NF1: variants seen among roughly 807,000 people sequenced by gnomAD.
The protein encoded by NF1 is neurofibromin.
A neutral mutation model predicts 325.7 loss-of-function variants in NF1; 122 were observed. The observed-to-expected ratio is 0.37, with a 90% CI of 0.32 to 0.44. The LOEUF is 0.44. Among genes scored for constraint, NF1 ranks in the 20% least tolerant of loss-of-function variants. NF1 has a pLI of 1.00. For missense variants in NF1, 2,140 were observed against 3,415.4 expected, an observed-to-expected ratio of 0.63 and a Z score of 9.31; for synonymous variants, 1,091 against 1,186.0, an observed-to-expected ratio of 0.92 and a Z score of 1.65.
At chr17:31,352,451 T>C in intron 51 of NF1, 37 bp downstream of exon 51, 3 of 1,464,346 alleles carry the variant, frequency 2.0e-6, no homozygotes, top group Non-Finnish European at 2.7e-6. Context: ...TTTTTTATTA[T>C]TTAAAAAAAT....
At chr17:31,116,626 A>C (rs1913939157) in intron 1 of NF1, among the ~76,000 whole-genome samples, 1 of 152,064 alleles carries the variant, frequency 6.6e-6, no homozygotes, top group Non-Finnish European at 1.5e-5. Flanking sequence ...ATATAGTTAG[A>C]AAATTTTATT....
intron 31 of NF1, among the ~76,000 whole-genome samples, chr17:31,254,489 C>T (rs903443905): frequency 1.7e-4 from 26 of 151,904 alleles, no homozygotes; most frequent in Non-Finnish European, 3.2e-4. Flanking sequence ...ATTATAAAGA[C>T]GTTTCTAATG....
chr17:31,258,983 T>G, intron 32 of NF1, 49 bp from the exon 33 acceptor site: 2 of 1,270,774 alleles, frequency 1.6e-6, no homozygotes, highest in Non-Finnish European at 2.2e-6. Flanking sequence ...ATGTATAGAC[T>G]TCATACAATA....
intron 46 of NF1, 48 bp from the exon 47 acceptor site, chr17:31,340,457 C>G (rs2069787111): frequency 6.2e-7 from 1 of 1,612,786 alleles, no homozygotes; most frequent in Non-Finnish European, 8.5e-7. Context: ...TTGAAAGAGA[C>G]TATGTCATGA....
At chr17:31,157,133 T>C (rs888755665) in intron 2 of NF1, among the ~76,000 whole-genome samples, 1 of 152,120 alleles carries the variant, frequency 6.6e-6, no homozygotes, top group Non-Finnish European at 1.5e-5. Flanking sequence ...ATTACAGGCA[T>C]GTGCCACCAT....
At position 31,139,824 on chromosome 17, in the gene NF1, T is replaced by C. The variant is rs532646801; in HGVS notation, c.61-16159T>C. ...AGGAAGTAGGATTATTGTAGAAATA[T>C]TATTTTACAGTTCAAGTTTGTAAAA... On this transcript the variant is annotated intron_variant, in intron 1 of 57. Coordinates refer to ENST00000358273, the MANE Select transcript of NF1 (RefSeq NM_001042492.3). Among the ~76,000 whole-genome samples the C allele has an allele frequency of 1.6e-4, 24 of 152,328 alleles. 1 individual carries two copies. The South Asian group carries it at 4.6e-3, about 29-fold the overall frequency.
At chr17:31,135,640 C>T (rs866815233) in intron 1 of NF1, among the ~76,000 whole-genome samples, 1 of 152,120 alleles carries the variant, frequency 6.6e-6, no homozygotes, top group Non-Finnish European at 1.5e-5. Flanking sequence ...GATCATGGCT[C>T]ACTGCAACCT....
intron 5 of NF1, among the ~76,000 whole-genome samples, chr17:31,180,858 G>A (rs2066116876): frequency 6.6e-6 from 1 of 152,186 alleles, no homozygotes; most frequent in Non-Finnish European, 1.5e-5. Flanking sequence ...CATCGTCTCA[G>A]CCCAAAATCT....
In NF1 at chr17:31,235,783, T is replaced by C. The variant is rs2151438106; in HGVS notation, c.3870+11T>C. 1 of 1,614,096 alleles carries C rather than the reference T, an allele frequency of 6.2e-7. No homozygotes were observed. Among genetic ancestry groups the C allele is most frequent in the Non-Finnish European group, 8.5e-7 (1 of 1,180,014 alleles). ...ACATTCTGTTTCAAGGTTTGTATCA[T>C]TCATTTTGTGTGTATGTGTGTGCTG... On this transcript the variant is annotated intron_variant, in intron 28 of 57. Transcript: ENST00000358273.
At chr17:31,219,292 T>C in intron 14 of NF1, 174 bp downstream of exon 14, 1 of 582,690 alleles carries the variant, frequency 1.7e-6, no homozygotes, top group South Asian at 2.6e-5. Flanking sequence ...AGGGGTTTAC[T>C]TGCTTTGTAT....
intron 57 of NF1, among the ~76,000 whole-genome samples, chr17:31,365,541 A>G (rs957563787): frequency 1.3e-5 from 2 of 152,130 alleles, no homozygotes; most frequent in Non-Finnish European, 2.9e-5. Flanking sequence ...AACAAATTCT[A>G]AGTGTGCACT....
intron 1 of NF1, among the ~76,000 whole-genome samples, chr17:31,102,833 C>CT (rs1261752711): frequency 6.7e-6 from 1 of 150,250 alleles, no homozygotes; most frequent in African/African-American, 2.4e-5. Context: ...GACAAGTTCT[C>CT]TTTTTTCTTC....
At chr17:31,314,638 A>G (rs549605867) in intron 36 of NF1, among the ~76,000 whole-genome samples, 11 of 152,282 alleles carry the variant, frequency 7.2e-5, no homozygotes, top group African/African-American at 2.4e-4. Context: ...ACAGGATCTC[A>G]TTCTTTTTTA....
At chr17:31,348,603 T>TA (rs1258420835) in intron 48 of NF1, among the ~76,000 whole-genome samples, 6 of 150,394 alleles carry the variant, frequency 4.0e-5, no homozygotes, top group African/African-American at 7.3e-5. Flanking sequence ...TCAATGGCTT[T>TA]AAAAAAATCT....
In NF1 at chr17:31,343,125, C is replaced by T. The variant is rs2069870191; in HGVS notation, c.7179C>T (p.His2393=). 3 of 1,613,242 alleles carry T rather than the reference C, an allele frequency of 1.9e-6. No individual in the cohort carries two copies. The highest frequency in any genetic ancestry group is 2.5e-6 in the Non-Finnish European group (3 of 1,179,384). The change falls in exon 48 of 58, where the codon CAC becomes CAT. Residue 2393 remains histidine, a synonymous_variant. Coordinates refer to ENST00000358273, the MANE Select transcript of NF1 (RefSeq NM_001042492.3). The part of the protein sequence containing the change: ...NSNFNFALVG[H]LLKGYRHPSP... ...ACTTTAACTTTGCATTGGTTGGACA[C>T]CTTTTAAAAGGTAAAAAAGCCTTAT...
intron 36 of NF1, chr17:31,321,720 A>G (rs1000328636): frequency 4.6e-5 from 7 of 151,878 alleles, no homozygotes; most frequent in African/African-American, 1.7e-4. Flanking sequence ...GGGAAAAAAA[A>G]AAAAACAACG....
chr17:31,265,160 T>G (rs2088984212), intron 35 of NF1, 69 bp from the exon 36 acceptor site: 1 of 1,061,032 alleles, frequency 9.4e-7, no homozygotes, highest in African/African-American at 1.6e-5. Flanking sequence ...GTTTATCCAA[T>G]TATAGACTTT....
chr17:31,109,899 A>T (rs1411741809), intron 1 of NF1, among the ~76,000 whole-genome samples: 1 of 152,104 alleles, frequency 6.6e-6, no homozygotes, highest in Non-Finnish European at 1.5e-5. Flanking sequence ...CTGTTAATTT[A>T]TCCATTGTGT....
At chr17:31,321,466 A>C (rs1369455695) in intron 36 of NF1, 3 of 152,224 alleles carry the variant, frequency 2.0e-5, no homozygotes, top group Non-Finnish European at 4.4e-5. Context: ...GTGAAAAGGC[A>C]TAAGAAAAGC....
Sources: allele counts gnomAD v4.1 joint callset (sites outside exome capture counted in the v4.1 genomes callset), GRCh38; gene constraint gnomAD v4.1.1; transcripts MANE v1.5; gene names NCBI Gene and HGNC (gene_info 2026-07-23, HGNC 2026-07-21).